The following CPA6 variants were observed in gnomAD, a reference collection of about 807,000 sequenced individuals.
CPA6 encodes carboxypeptidase A6.
Under a neutral mutation model 63.3 loss-of-function variants are expected in CPA6, and 58 were observed. The ratio of observed to expected loss-of-function variants is 0.92; its 90% CI spans 0.74 to 1.14. The LOEUF (loss-of-function observed/expected upper bound fraction) is 1.14. Ranked by LOEUF, CPA6 falls within the 50% of genes most tolerant of loss-of-function variation. The pLI is 0.00. For synonymous variants in CPA6, 185 were observed against 179.0 expected (o/e 1.03, Z -0.27); for missense variants, 565 against 526.6 (o/e 1.07, Z -0.71).
chr8:67,698,151 G>A (rs1347403796), intron 1 of CPA6, among the ~76,000 whole-genome samples: 1 of 152,142 alleles, frequency 6.6e-6, no homozygotes, highest in Non-Finnish European at 1.5e-5. Flanking sequence ...ATTTGGCTAG[G>A]TAATAATGAA....
chr8:67,713,980 T>C (rs1467702278), intron 1 of CPA6, among the ~76,000 whole-genome samples: 4 of 152,192 alleles, frequency 2.6e-5, no homozygotes, highest in African/African-American at 9.7e-5. Context: ...ATTTTAATCC[T>C]TCTGGTTTTA....
intron 1 of CPA6, among the ~76,000 whole-genome samples, chr8:67,659,952 T>C (rs1816071630): frequency 6.6e-6 from 1 of 152,224 alleles, no homozygotes; most frequent in Non-Finnish European, 1.5e-5. Flanking sequence ...TTGGATAAGA[T>C]AGCAACCTTT....
At chr8:67,705,227 C>T (rs777935285) in intron 1 of CPA6, among the ~76,000 whole-genome samples, 1 of 152,134 alleles carries the variant, frequency 6.6e-6, no homozygotes, top group Admixed American at 6.6e-5. Context: ...ACGGGGCTGC[C>T]TTGAGGGCTG....
At chr8:67,567,433 T>A (rs1813366465) in intron 2 of CPA6, among the ~76,000 whole-genome samples, 1 of 152,218 alleles carries the variant, frequency 6.6e-6, no homozygotes, top group Non-Finnish European at 1.5e-5. Context: ...TACCAATGAA[T>A]AAACATAGGA....
intron 2 of CPA6, among the ~76,000 whole-genome samples, chr8:67,581,554 G>T (rs986772309): frequency 6.6e-6 from 1 of 152,190 alleles, no homozygotes; most frequent in African/African-American, 2.4e-5. Flanking sequence ...TACAAGACCA[G>T]AGTATTGAAT....
chr8:67,584,782 G>C (rs888645805), intron 2 of CPA6, among the ~76,000 whole-genome samples: 2 of 152,132 alleles, frequency 1.3e-5, no homozygotes, highest in Admixed American at 6.6e-5. Flanking sequence ...CAATGGAAGG[G>C]AGTTGGGGGT....
At chr8:67,648,581 T>G (rs1350061079) in intron 1 of CPA6, among the ~76,000 whole-genome samples, 1 of 152,212 alleles carries the variant, frequency 6.6e-6, no homozygotes, top group African/African-American at 2.4e-5. Flanking sequence ...TGGAATAGTT[T>G]CTGAGTAAGC....
At chr8:67,576,856 G>C (rs1372357902) in intron 2 of CPA6, among the ~76,000 whole-genome samples, 1 of 146,558 alleles carries the variant, frequency 6.8e-6, no homozygotes, top group African/African-American at 2.5e-5. Flanking sequence ...GGGACTTCAA[G>C]TCTTAGAAAC....
At chr8:67,678,909 T>A (rs181578991) in intron 1 of CPA6, among the ~76,000 whole-genome samples, 2 of 152,336 alleles carry the variant, frequency 1.3e-5, no homozygotes. Context: ...CTACAAGTCA[T>A]AGGCATATGT....
intron 1 of CPA6, among the ~76,000 whole-genome samples, chr8:67,677,810 C>A (rs1314903559): frequency 3.3e-5 from 5 of 151,622 alleles, no homozygotes; most frequent in African/African-American, 4.9e-5. Flanking sequence ...CTCTCTTTTA[C>A]ACAGTCTACA....
chr8:67,729,309 T>C (rs1438203833), intron 1 of CPA6, among the ~76,000 whole-genome samples: 1 of 152,230 alleles, frequency 6.6e-6, no homozygotes, highest in African/African-American at 2.4e-5. Context: ...GCTGCTCGTA[T>C]TTTTATAGCA....
At chr8:67,475,932 TTCTCTTTCTTTCTC>T (rs1302910180) in intron 8 of CPA6, among the ~76,000 whole-genome samples, 2 of 77,106 alleles carry the variant, frequency 2.6e-5, no homozygotes, top group Non-Finnish European at 5.2e-5. Flanking sequence ...CTTTCTTTCT[TTCTCTTTCTTTCTC>T]TGTCTTTCTT....
chr8:67,434,259 A>G lies in CPA6; in HGVS notation c.839-19T>C, dbSNP rs1810095872. ...CCTTCATCTGCAAGTCAGAAAAGAA[A>G]ATGGGGTAAGGAAGTGGGCAGGGAA... is the stretch of plus-strand genomic sequence containing the variant. On this transcript the variant is annotated intron_variant, in intron 8 of 10. Transcript: ENST00000297770. 1 of 1,605,118 alleles carries G rather than the reference A, an allele frequency of 6.2e-7. No homozygotes were observed. The highest frequency in any genetic ancestry group is 8.5e-7 in the Non-Finnish European group (1 of 1,172,276).
chr8:67,645,561 G>T (rs908019763), intron 1 of CPA6, among the ~76,000 whole-genome samples: 9 of 152,188 alleles, frequency 5.9e-5, no homozygotes, highest in Non-Finnish European at 1.5e-5. Context: ...CTGACAGAAA[G>T]TAAGTGATTG....
intron 2 of CPA6, among the ~76,000 whole-genome samples, chr8:67,594,432 C>T (rs918589517): frequency 1.3e-5 from 2 of 152,108 alleles, no homozygotes; most frequent in African/African-American, 4.8e-5. Context: ...TGTTGGCCTG[C>T]CTTGCTAGAT....
At chr8:67,534,249 A>G (rs990921953) in intron 2 of CPA6, among the ~76,000 whole-genome samples, 2 of 152,126 alleles carry the variant, frequency 1.3e-5, no homozygotes, top group African/African-American at 4.8e-5. Context: ...TGTCATGGAT[A>G]CTGTCCAATC....
chr8:67,478,120 GCCAATCA>G (rs1443584067), intron 8 of CPA6, among the ~76,000 whole-genome samples: 1 of 152,098 alleles, frequency 6.6e-6, no homozygotes, highest in Non-Finnish European at 1.5e-5. Context: ...TTAAGGTTAA[GCCAATCA>G]CCAATGGCCA....
chr8:67,655,240 T>C (rs1448353589), intron 1 of CPA6, among the ~76,000 whole-genome samples: 1 of 152,174 alleles, frequency 6.6e-6, no homozygotes, highest in Non-Finnish European at 1.5e-5. Flanking sequence ...AACATGCTTC[T>C]ACTTTACAAA....
At chr8:67,736,034 G>A (rs368825236) in intron 1 of CPA6, among the ~76,000 whole-genome samples, 9 of 152,132 alleles carry the variant, frequency 5.9e-5, no homozygotes, top group Admixed American at 2.6e-4. Context: ...AGTGATGCTG[G>A]TGATCCCTCT....
Sources: gnomAD v4.1 joint callset for allele counts (sites outside exome capture counted in the v4.1 genomes callset) on GRCh38, gnomAD v4.1.1 for gene constraint, MANE v1.5 for transcripts, NCBI Gene and HGNC (gene_info 2026-07-23, HGNC 2026-07-21) for gene names.